RGSL1: variants seen among roughly 807,000 people sequenced by gnomAD.
The protein encoded by RGSL1 is regulator of G protein signaling protein-like.
In RGSL1, 97 loss-of-function variants were observed where a neutral mutation model predicts 124.7. The ratio of observed to expected loss-of-function variants is 0.78; its 90% CI spans 0.66 to 0.92. The LOEUF is 0.92. Ranked by LOEUF, RGSL1 falls within the 40% of genes least tolerant of loss-of-function variation. The pLI, the probability that RGSL1 is intolerant of heterozygous loss-of-function variation, is 0.00. For missense variants in RGSL1, 1,233 were observed against 1,288.4 expected (o/e 0.96, Z 0.66); for synonymous variants, 424 against 438.1 (o/e 0.97, Z 0.40).
At chr1:182,463,082 A>G (rs577960632) in intron 4 of RGSL1, among the ~76,000 whole-genome samples, 92 of 152,206 alleles carry the variant, frequency 6.0e-4, no homozygotes, top group Admixed American at 1.8e-3. Flanking sequence ...TCATGAGGTC[A>G]GGAGATCGAG....
chr1:182,459,720 C>T (rs1039833056), intron 3 of RGSL1, among the ~76,000 whole-genome samples: 3 of 152,146 alleles, frequency 2.0e-5, no homozygotes, highest in Admixed American at 2.0e-4. Flanking sequence ...TAGATTTTTT[C>T]TTTAACAACT....
At chr1:182,534,617 C>T (rs1033237252) in intron 14 of RGSL1, among the ~76,000 whole-genome samples, 10 of 152,218 alleles carry the variant, frequency 6.6e-5, no homozygotes, top group South Asian at 4.1e-4. Flanking sequence ...CACTTGAGGT[C>T]GGGAATTCGA....
intron 7 of RGSL1, 130 bp downstream of exon 7, chr1:182,488,477 G>C: frequency 4.5e-6 from 4 of 890,652 alleles, no homozygotes; most frequent in Non-Finnish European, 5.3e-6. Context: ...CCAAAGATCA[G>C]CATGGTCCCT....
chr1:182,515,027 G>A (rs1657755628), intron 9 of RGSL1, among the ~76,000 whole-genome samples: 1 of 152,204 alleles, frequency 6.6e-6, no homozygotes, highest in Non-Finnish European at 1.5e-5. Flanking sequence ...AACTCAGGGT[G>A]TGAGGGAGAG....
chr1:182,495,198 A>G (rs1655825667), intron 9 of RGSL1, among the ~76,000 whole-genome samples: 1 of 152,158 alleles, frequency 6.6e-6, no homozygotes. Flanking sequence ...GCACTCAAAC[A>G]TGGGGCACAT....
intron 4 of RGSL1, among the ~76,000 whole-genome samples, chr1:182,469,727 A>T (rs1653661775): frequency 6.6e-6 from 1 of 152,186 alleles, no homozygotes; most frequent in Non-Finnish European, 1.5e-5. Flanking sequence ...CATTATTCAC[A>T]ATAGTTAAGT....
chr1:182,553,562 C>T, intron 19 of RGSL1, 21 bp downstream of exon 19: 1 of 1,547,340 alleles, frequency 6.5e-7, no homozygotes, highest in Admixed American at 2.0e-5. Context: ...ATTGGATCCC[C>T]ACTGATAGTT....
intron 6 of RGSL1, among the ~76,000 whole-genome samples, chr1:182,485,226 C>A (rs1655011116): frequency 6.6e-6 from 1 of 152,138 alleles, no homozygotes; most frequent in African/African-American, 2.4e-5. Flanking sequence ...CTGATCCAGG[C>A]TCGGGGAGTG....
chr1:182,481,052 A>G (rs1654668237), intron 6 of RGSL1, among the ~76,000 whole-genome samples: 1 of 152,158 alleles, frequency 6.6e-6, no homozygotes, highest in African/African-American at 2.4e-5. Context: ...CAGAACCAGA[A>G]AAAGAAGAAC....
rs552873331 is a variant in RGSL1 at position 182,452,124 on chromosome 1, A to G, written c.14-1834A>G. Among the ~76,000 whole-genome samples the G allele has an allele frequency of 3.3e-5, 5 of 152,276 alleles. No individual in the cohort carries two copies. The East Asian group carries it at 9.7e-4, about 29-fold the overall frequency. ...TTCCAGTAACTGGGACTGGGAATGT[A>G]GGAAAAGGAGCAGGTTGGGAGGCCT... On this transcript the variant is annotated intron_variant, in intron 1 of 21. Transcript: ENST00000294854.
Position 182,548,740 on chromosome 1 carries a change from C to T in RGSL1, c.2849C>T (p.Ala950Val), listed in dbSNP as rs1446365395. The change falls in exon 17 of 22, where the codon GCC becomes GTC. Residue 950 changes from alanine to valine, a missense_variant. Transcript: ENST00000294854. ...PEFQKDAILAAITEGYLDRSV... is the reference protein window; with the variant it reads ...PEFQKDAILAVITEGYLDRSV... The stretch of plus-strand genomic sequence containing the variant: ...TTCCAGAAGGATGCCATCCTTGCTG[C>T]CATCACAGAGGGCTACCTAGATCGG... 1 of 1,551,514 alleles carries T rather than the reference C, an allele frequency of 6.4e-7. No homozygotes were observed. Among genetic ancestry groups the T allele is most frequent in the East Asian group, 2.4e-5 (1 of 40,922 alleles).
chr1:182,478,273 A>G lies in RGSL1; in HGVS notation c.1431+3731A>G, dbSNP rs1403744819. Reference sequence around the variant, plus strand: ...AAAATAATCATCTTAGAGAAGCTCAATGAGTGATAAGAAAACACAGATAAA... The same window carrying G: ...AAAATAATCATCTTAGAGAAGCTCAGTGAGTGATAAGAAAACACAGATAAA... On this transcript the variant is annotated intron_variant, in intron 6 of 21. Coordinates refer to ENST00000294854, the MANE Select transcript of RGSL1 (RefSeq NM_001137669.2). Among the ~76,000 whole-genome samples, 6 of 152,174 alleles carry G rather than the reference A, an allele frequency of 3.9e-5. No individual in the cohort carries two copies. The East Asian group carries it at 1.2e-3, about 29-fold the overall frequency.
chr1:182,524,611 A>C (rs2102246660), intron 10 of RGSL1, among the ~76,000 whole-genome samples: 1 of 152,340 alleles, frequency 6.6e-6, no homozygotes, highest in South Asian at 2.1e-4. Context: ...CTCAGTAAGA[A>C]TAGTGTAATC....
At chr1:182,503,919 C>T (rs981160914) in intron 9 of RGSL1, among the ~76,000 whole-genome samples, 1 of 147,756 alleles carries the variant, frequency 6.8e-6, no homozygotes, top group African/African-American at 2.5e-5. Context: ...TTTTAAAAAA[C>T]AAAGTTATCA....
At chr1:182,509,336 C>T (rs1254646068) in intron 9 of RGSL1, among the ~76,000 whole-genome samples, 6 of 37,354 alleles carry the variant, frequency 1.6e-4, no homozygotes, top group East Asian at 4.2e-4. Context: ...ACCTCCCTCC[C>T]GGACGGGGCG....
At chr1:182,513,002 CG>C (rs1264270848) in intron 9 of RGSL1, among the ~76,000 whole-genome samples, 5 of 152,054 alleles carry the variant, frequency 3.3e-5, no homozygotes, top group Non-Finnish European at 5.9e-5. Flanking sequence ...GGGCACAGGA[CG>C]GGGTGGGGCA....
chr1:182,534,947 A>G (rs540788499), intron 14 of RGSL1, among the ~76,000 whole-genome samples: 3 of 152,282 alleles, frequency 2.0e-5, no homozygotes, highest in Admixed American at 6.5e-5. Flanking sequence ...CACTTCCCCA[A>G]CATTATGTGA....
chr1:182,450,553 T>C lies in RGSL1; in HGVS notation c.13+375T>C, dbSNP rs1255723205. 6 of 263,454 alleles carry C rather than the reference T, an allele frequency of 2.3e-5. No individual in the cohort carries two copies. The East Asian group carries it at 4.4e-4, about 19-fold the overall frequency. 16.3% of individuals were successfully genotyped at this position (263,454 alleles called of 1,614,324 possible). A position where few individuals can be genotyped will look rare whatever the true frequency, so the allele number is the denominator to read the frequency against. Reference sequence around the variant, plus strand: ...GGGTGCTAAAAGCCTTCTCAAATTATTAGGAAGTTTGAAGGCAGAACAGGT... The same window carrying C: ...GGGTGCTAAAAGCCTTCTCAAATTACTAGGAAGTTTGAAGGCAGAACAGGT... On this transcript the variant is annotated intron_variant, in intron 1 of 21. Coordinates refer to ENST00000294854, the MANE Select transcript of RGSL1 (RefSeq NM_001137669.2).
chr1:182,556,165 A>G lies in RGSL1; in HGVS notation c.*108A>G. On this transcript the variant is annotated 3_prime_UTR_variant, in exon 21 of 22. Coordinates refer to ENST00000294854, the MANE Select transcript of RGSL1 (RefSeq NM_001137669.2). ...GGTCCTGGTACCATCTTCCCCAGAA[A>G]CGATCAAGAAGGGCAATGGGTTGAC... 1.8e-6 allele frequency: 2 copies of G among 1,139,218 alleles called. No individual in the cohort carries two copies. Among genetic ancestry groups the G allele is most frequent in the Non-Finnish European group, 2.5e-6 (2 of 797,974 alleles). The allele number at this position is 1,139,218 out of a possible 1,614,324, so 70.6% of individuals were successfully genotyped here.
Sources: gnomAD v4.1 joint callset for allele counts (sites outside exome capture counted in the v4.1 genomes callset) on GRCh38, gnomAD v4.1.1 for gene constraint, MANE v1.5 for transcripts, NCBI Gene and HGNC (gene_info 2026-07-23, HGNC 2026-07-21) for gene names.